ASZ1: variants seen among roughly 807,000 people sequenced by gnomAD.
ASZ1 encodes ankyrin repeat, SAM and basic leucine zipper domain containing 1.
Under a neutral mutation model 61.8 loss-of-function variants are expected in ASZ1, and 67 were observed. That is an observed-to-expected ratio of 1.08 (90% CI 0.89 to 1.33). The LOEUF (loss-of-function observed/expected upper bound fraction) is 1.33. Ranked by LOEUF, ASZ1 falls within the 40% of genes most tolerant of loss-of-function variation. The pLI, the probability that ASZ1 is intolerant of heterozygous loss-of-function variation, is 0.00. For missense variants in ASZ1, 577 were observed against 554.5 expected (o/e 1.04, Z -0.41); for synonymous variants, 193 against 192.7 (o/e 1.00, Z -0.01).
chr7:117,396,268 A>C (rs1796573780), intron 4 of ASZ1, among the ~76,000 whole-genome samples: 1 of 152,218 alleles, frequency 6.6e-6, no homozygotes, highest in Non-Finnish European at 1.5e-5. Flanking sequence ...TATTAACTAC[A>C]TCTTGTATTT....
Position 117,427,481 on chromosome 7 carries a change from G to C in ASZ1, c.-21C>G, listed in dbSNP as rs370627016. On this transcript the variant is annotated 5_prime_UTR_variant, in exon 1 of 13. Coordinates refer to ENST00000284629, the MANE Select transcript of ASZ1 (RefSeq NM_130768.3). ...GCCATGCCAGCCAAGGAAGCTCCCT[G>C]TCGGCACCGCGCGCCCTTCAGCTCT... 8 of 1,612,542 alleles carry C rather than the reference G, an allele frequency of 5.0e-6. No homozygotes were observed. The South Asian group carries it at 7.7e-5, about 16-fold the overall frequency.
chr7:117,387,917 G>T (rs1477763836), intron 4 of ASZ1, among the ~76,000 whole-genome samples: 2 of 152,060 alleles, frequency 1.3e-5, no homozygotes, highest in African/African-American at 4.8e-5. Context: ...TAGCTAGACT[G>T]ATTAAGCAAA....
chr7:117,379,164 T>TACACACAC (rs1384419878), intron 10 of ASZ1, among the ~76,000 whole-genome samples: 911 of 59,252 alleles, frequency 0.015, 12 homozygotes, highest in African/African-American at 0.082. Context: ...TATATATATA[T>TACACACAC]ATATACACAC....
intron 4 of ASZ1, among the ~76,000 whole-genome samples, chr7:117,409,304 A>G (rs989910643): frequency 2.0e-5 from 3 of 151,992 alleles, no homozygotes; most frequent in Admixed American, 1.3e-4. Context: ...TCTAATAAGA[A>G]CAGGTAAAAC....
At chr7:117,419,817 T>G (rs1307554258) in intron 4 of ASZ1, among the ~76,000 whole-genome samples, 1 of 152,204 alleles carries the variant, frequency 6.6e-6, no homozygotes, top group East Asian at 1.9e-4. Flanking sequence ...TGTTTAGTTG[T>G]TAAATGTTAT....
chr7:117,363,417 T>C lies in ASZ1; in HGVS notation c.*179A>G. On this transcript the variant is annotated 3_prime_UTR_variant, in exon 13 of 13. Transcript: ENST00000284629. The stretch of plus-strand genomic sequence containing the variant: ...CACAATTAACATAAACATAACAAAT[T>C]GTATTTATAAGTCAAAGTAACAAAC... 2.3e-6 allele frequency: 1 copy of C among 427,214 alleles called. No individual in the cohort carries two copies. Among genetic ancestry groups the C allele is most frequent in the Non-Finnish European group, 3.9e-6 (1 of 255,286 alleles). 26.5% of individuals were successfully genotyped at this position (427,214 alleles called of 1,614,324 possible). A position where few individuals can be genotyped will look rare whatever the true frequency, so the allele number is the denominator to read the frequency against.
At chr7:117,404,255 C>T (rs376185531) in intron 4 of ASZ1, among the ~76,000 whole-genome samples, 3 of 151,778 alleles carry the variant, frequency 2.0e-5, no homozygotes, top group Non-Finnish European at 1.5e-5. Flanking sequence ...TGGGCTGAAC[C>T]TGAGGCTCCT....
chr7:117,369,030 A>T (rs1403899733), intron 10 of ASZ1, among the ~76,000 whole-genome samples: 1 of 152,206 alleles, frequency 6.6e-6, no homozygotes, highest in African/African-American at 2.4e-5. Flanking sequence ...ACACTGTACT[A>T]GTTATTTTAC....
intron 4 of ASZ1, among the ~76,000 whole-genome samples, chr7:117,400,551 A>G (rs1796660680): frequency 6.6e-6 from 1 of 152,244 alleles, no homozygotes; most frequent in Non-Finnish European, 1.5e-5. Flanking sequence ...GAACTCCAAC[A>G]CAAAAACTGG....
intron 2 of ASZ1, 26 bp from the exon 3 acceptor site, chr7:117,422,385 A>C: frequency 6.2e-7 from 1 of 1,607,642 alleles, no homozygotes; most frequent in Non-Finnish European, 8.5e-7. Context: ...CAAGCTTTTA[A>C]AAGCACACTA....
chr7:117,370,167 G>GA (rs904798861), intron 10 of ASZ1, among the ~76,000 whole-genome samples: 2 of 151,970 alleles, frequency 1.3e-5, no homozygotes, highest in African/African-American at 4.8e-5. Context: ...ACCTCAATGG[G>GA]AAAAAAATAC....
rs1437723321 is a variant in ASZ1 at position 117,379,158 on chromosome 7, TATATATATATAC to T, written c.1055+768_1055+779del. Among the ~76,000 whole-genome samples, 181 of 56,836 alleles carry T rather than the reference TATATATATATAC, an allele frequency of 3.2e-3. 2 individuals carry two copies. The highest frequency in any genetic ancestry group is 0.017 in the Middle Eastern group (2 of 118). The allele number at this position is 56,836 out of a possible 152,430, so 37.3% of individuals were successfully genotyped here. A position where few individuals can be genotyped will look rare whatever the true frequency, so the allele number is the denominator to read the frequency against. On this transcript the variant is annotated intron_variant, in intron 10 of 12. Transcript: ENST00000284629. ...TTATATATATATATATATATATATA[TATATATATATAC>T]ACACACACACACACACACACACACA...
At position 117,368,669 on chromosome 7, in the gene ASZ1, G is replaced by A; in HGVS notation, c.1104C>T (p.Gly368=). ...CATTCTGTACAGCTGTTATTAAATG[G>A]CCACACTGTTTATTTAATTTGAGAA... The part of the protein sequence containing the change: ...NFLLKLNKQC[G]HLITAVQNVI... The change falls in exon 11 of 13, where the codon GGC becomes GGT. Residue 368 remains glycine, a synonymous_variant. Transcript: ENST00000284629. 1 of 1,612,710 alleles carries A rather than the reference G, an allele frequency of 6.2e-7. No individual in the cohort carries two copies. The highest frequency in any genetic ancestry group is 8.5e-7 in the Non-Finnish European group (1 of 1,179,402).
At chr7:117,378,407 T>G (rs1298293405) in intron 10 of ASZ1, among the ~76,000 whole-genome samples, 1 of 152,058 alleles carries the variant, frequency 6.6e-6, no homozygotes, top group African/African-American at 2.4e-5. Flanking sequence ...AAAGTACACA[T>G]ATGGCAAATA....
At chr7:117,421,114 T>A (rs1000413087) in intron 3 of ASZ1, among the ~76,000 whole-genome samples, 1 of 152,228 alleles carries the variant, frequency 6.6e-6, no homozygotes, top group Non-Finnish European at 1.5e-5. Context: ...TCCCTCTGAT[T>A]ACAAGGAGGG....
chr7:117,427,137 T>C (rs531487641), intron 1 of ASZ1, among the ~76,000 whole-genome samples: 1 of 152,024 alleles, frequency 6.6e-6, no homozygotes, highest in South Asian at 2.1e-4. Flanking sequence ...AACTGAGGAG[T>C]TACGATGACC....
At chr7:117,402,322 T>G (rs1562855739) in intron 4 of ASZ1, among the ~76,000 whole-genome samples, 1 of 152,180 alleles carries the variant, frequency 6.6e-6, no homozygotes, top group East Asian at 1.9e-4. Context: ...GACTTTGGTT[T>G]CCGGGAGGTA....
intron 12 of ASZ1, among the ~76,000 whole-genome samples, chr7:117,365,498 AC>A (rs995084347): frequency 5.9e-5 from 9 of 152,130 alleles, no homozygotes; most frequent in African/African-American, 2.2e-4. Flanking sequence ...CTTACCCCTC[AC>A]CCCCATGTTT....
intron 6 of ASZ1, among the ~76,000 whole-genome samples, chr7:117,383,728 A>G (rs1796297818): frequency 1.3e-5 from 2 of 152,048 alleles, no homozygotes; most frequent in African/African-American, 4.8e-5. Flanking sequence ...TTATGACTCA[A>G]AATAACCTTT....
Sources: allele counts gnomAD v4.1 joint callset (sites outside exome capture counted in the v4.1 genomes callset), GRCh38; gene constraint gnomAD v4.1.1; transcripts MANE v1.5; gene names NCBI Gene and HGNC (gene_info 2026-07-23, HGNC 2026-07-21).